Variants in VTCN1 observed in about 807,000 individuals in gnomAD.
VTCN1 encodes V-set domain-containing T-cell activation inhibitor 1.
VTCN1 carries 26 observed loss-of-function variants against 26.5 expected under a neutral mutation model. The observed-to-expected ratio is 0.98, with a 90% CI of 0.72 to 1.36. The LOEUF (loss-of-function observed/expected upper bound fraction) is 1.36. VTCN1 is among the 40% of genes most tolerant of loss of function. The pLI is 0.00. For missense variants in VTCN1, 298 were observed against 337.7 expected (o/e 0.88, Z 0.92); for synonymous variants, 116 against 130.7 (o/e 0.89, Z 0.77).
intron 1 of VTCN1, among the ~76,000 whole-genome samples, chr1:117,174,215 G>T (rs1210244285): frequency 6.6e-6 from 1 of 152,066 alleles, no homozygotes; most frequent in Admixed American, 6.6e-5. Context: ...CACTGCATTG[G>T]GATTCACAGT....
At position 117,187,438 on chromosome 1, in the gene VTCN1, G is replaced by C. The variant is rs1648004954; in HGVS notation, c.33-17267C>G. Among the ~76,000 whole-genome samples, 4 of 151,570 alleles carry C rather than the reference G, an allele frequency of 2.6e-5. No individual in the cohort carries two copies. In the South Asian group the frequency reaches 8.3e-4, roughly 32 times the overall value. ...TGAGGAACTAGGGGACAAAGCAATAGCATGAAGTCCCCAATGACATACAGG... is the reference window on the plus strand; with the variant it reads ...TGAGGAACTAGGGGACAAAGCAATACCATGAAGTCCCCAATGACATACAGG... On this transcript the variant is annotated intron_variant, in intron 1 of 5. Transcript: ENST00000369458.
intron 1 of VTCN1, among the ~76,000 whole-genome samples, chr1:117,177,048 G>A (rs762968512): frequency 2.0e-5 from 3 of 152,134 alleles, no homozygotes; most frequent in Non-Finnish European, 2.9e-5. Context: ...GCTGTGAGCC[G>A]AGATCGTGCC....
At chr1:117,203,510 G>T in intron 1 of VTCN1, 1 of 702,854 alleles carries the variant, frequency 1.4e-6, no homozygotes, top group Non-Finnish European at 1.8e-6. Context: ...GCTGGCAGCA[G>T]CAGGAACACA....
rs914066468 is a variant in VTCN1 at position 117,159,340 on chromosome 1, A to G, written c.98-2419T>C. On this transcript the variant is annotated intron_variant, in intron 2 of 5. Transcript: ENST00000369458. This position sits in a 1 kb window ranked among gnomAD's most constrained non-coding sequence, Gnocchi z 4.7. ...GCGGGAGGTGAAAGGCACTTCTTAC[A>G]TGGCAGTGGCAAGAGAAAATGAGAA... Among the ~76,000 whole-genome samples the G allele has an allele frequency of 6.6e-6, 1 of 152,226 alleles. No homozygotes were observed. Among genetic ancestry groups the G allele is most frequent in the Non-Finnish European group, 1.5e-5 (1 of 68,036 alleles).
intron 1 of VTCN1, 89 bp downstream of exon 1, chr1:117,210,735 A>T (rs373758402): frequency 7.7e-6 from 11 of 1,422,336 alleles, no homozygotes; most frequent in African/African-American, 1.4e-5. Flanking sequence ...GTGGGGTCCT[A>T]TGGGACAGCC....
At chr1:117,185,694 C>T (rs1647902422) in intron 1 of VTCN1, among the ~76,000 whole-genome samples, 1 of 152,188 alleles carries the variant, frequency 6.6e-6, no homozygotes, top group Non-Finnish European at 1.5e-5. Context: ...TACTTGGAGG[C>T]TTCATCTGCG....
intron 1 of VTCN1, among the ~76,000 whole-genome samples, chr1:117,179,030 C>T (rs533827328): frequency 6.6e-6 from 1 of 152,110 alleles, no homozygotes; most frequent in African/African-American, 2.4e-5. Flanking sequence ...AATGTAGTGG[C>T]GGTACAATAG....
At chr1:117,200,541 A>G (rs1648739913) in intron 1 of VTCN1, among the ~76,000 whole-genome samples, 1 of 152,170 alleles carries the variant, frequency 6.6e-6, no homozygotes, top group Non-Finnish European at 1.5e-5. Context: ...ACAGGTAAAC[A>G]TTACCCTTTG....
intron 1 of VTCN1, among the ~76,000 whole-genome samples, chr1:117,210,517 T>C (rs1218177885): frequency 6.6e-6 from 1 of 152,170 alleles, no homozygotes. Context: ...CCTTGACATC[T>C]CAGGGGAATG....
At chr1:117,154,772 A>G (rs1473597137) in intron 3 of VTCN1, among the ~76,000 whole-genome samples, 2 of 149,168 alleles carry the variant, frequency 1.3e-5, no homozygotes, top group Non-Finnish European at 3.0e-5. Flanking sequence ...AACAAGAGTG[A>G]AACTCCATCT....
intron 4 of VTCN1, among the ~76,000 whole-genome samples, chr1:117,150,052 A>C (rs1463599878): frequency 6.6e-6 from 1 of 152,230 alleles, no homozygotes; most frequent in Non-Finnish European, 1.5e-5. Flanking sequence ...TTATTTACAC[A>C]GCTTGGAGCT....
rs1651367523 is a variant in VTCN1, at chr1:117,143,704, A to G, written c.*1567T>C. The stretch of plus-strand genomic sequence containing the variant: ...TCCAAGGTCCAGGAAGGCAGTGGTT[A>G]ACACATGAAGAGTGTGGGAAGGGGG... On this transcript the variant is annotated 3_prime_UTR_variant, in exon 6 of 6. Transcript: ENST00000369458. 1 of 152,230 alleles carries G rather than the reference A, an allele frequency of 6.6e-6. No individual in the cohort carries two copies. Among genetic ancestry groups the G allele is most frequent in the Non-Finnish European group, 1.5e-5 (1 of 68,066 alleles). 9.4% of individuals were successfully genotyped at this position (152,230 alleles called of 1,614,324 possible). A position where few individuals can be genotyped will look rare whatever the true frequency, so the allele number is the denominator to read the frequency against.
At chr1:117,178,570 T>A (rs995676605) in intron 1 of VTCN1, among the ~76,000 whole-genome samples, 8 of 147,436 alleles carry the variant, frequency 5.4e-5, no homozygotes, top group Non-Finnish European at 1.2e-4. Flanking sequence ...GCCTTCAGTG[T>A]TTTCTTTTCT....
At chr1:117,184,491 A>AT (rs549075325) in intron 1 of VTCN1, among the ~76,000 whole-genome samples, 23 of 152,132 alleles carry the variant, frequency 1.5e-4, no homozygotes, top group African/African-American at 5.3e-4. Flanking sequence ...ACTTTAAGCA[A>AT]TTTTTTTTAC....
At chr1:117,187,978 C>A (rs768460505) in intron 1 of VTCN1, among the ~76,000 whole-genome samples, 1 of 152,164 alleles carries the variant, frequency 6.6e-6, no homozygotes, top group Admixed American at 6.6e-5. Context: ...TTAGCTGCCT[C>A]ACTCAGATGA....
Position 117,147,816 on chromosome 1 carries a change from A to G in VTCN1, c.725-34T>C, listed in dbSNP as rs1651595238. The G allele has an allele frequency of 6.2e-7, 1 of 1,603,286 alleles. No homozygotes were observed. Among genetic ancestry groups the G allele is most frequent in the Non-Finnish European group, 8.5e-7 (1 of 1,176,090 alleles). ...TGAGAGAAAAAGTTTAGGGTCATAC[A>G]GGAGAAGCTGGATGTCTTCTTCACA... On this transcript the variant is annotated intron_variant, in intron 4 of 5. Transcript: ENST00000369458. The surrounding 1 kb of genome is among the most constrained non-coding windows in gnomAD (Gnocchi z 4.6).
intron 1 of VTCN1, among the ~76,000 whole-genome samples, chr1:117,185,417 A>G (rs1263705267): frequency 1.3e-5 from 2 of 152,184 alleles, no homozygotes; most frequent in Admixed American, 6.5e-5. Flanking sequence ...TAGGCTGGGG[A>G]TGTCCTGATC....
At position 117,183,736 on chromosome 1, in the gene VTCN1, T is replaced by C. The variant is rs973492910; in HGVS notation, c.33-13565A>G. Among the ~76,000 whole-genome samples the C allele has an allele frequency of 1.2e-4, 19 of 152,096 alleles. No homozygotes were observed. Among genetic ancestry groups the C allele is most frequent in the East Asian group, 5.8e-4 (3 of 5,198 alleles). ...GTTAAATTTCCAGAATAGTGCATAC[T>C]AAATAGCCTTTAAAAAAATCCTTGA... On this transcript the variant is annotated intron_variant, in intron 1 of 5. Coordinates refer to ENST00000369458, the MANE Select transcript of VTCN1 (RefSeq NM_024626.4). This position sits in a 1 kb window ranked among gnomAD's most constrained non-coding sequence, Gnocchi z 4.1.
chr1:117,147,002 T>G lies in VTCN1; in HGVS notation c.*45+611A>C, dbSNP rs917341394. 6.6e-6 allele frequency among the ~76,000 whole-genome samples: 1 copy of G among 152,094 alleles called. No individual in the cohort carries two copies. The highest frequency in any genetic ancestry group is 1.5e-5 in the Non-Finnish European group (1 of 68,002). ...ATGCGGGACAGAGGGGAGACAAAAA[T>G]AGCTCTGAGGCTGTAACCCTGGAGG... On this transcript the variant is annotated intron_variant, in intron 5 of 5. Transcript: ENST00000369458. This position sits in a 1 kb window ranked among gnomAD's most constrained non-coding sequence, Gnocchi z 4.6.
Sources: allele counts gnomAD v4.1 joint callset (sites outside exome capture counted in the v4.1 genomes callset), GRCh38; gene constraint gnomAD v4.1.1; non-coding constraint Gnocchi (gnomAD v3.1); transcripts MANE v1.5; gene names NCBI Gene and HGNC (gene_info 2026-07-23, HGNC 2026-07-21).